Variants in KPNA7 observed in about 807,000 individuals in gnomAD.
KPNA7 encodes karyopherin subunit alpha 7.
KPNA7 carries 54 observed loss-of-function variants against 53.7 expected under a neutral mutation model. The observed-to-expected ratio is 1.01, with a 90% confidence interval of 0.81 to 1.26. The LOEUF (loss-of-function observed/expected upper bound fraction) is 1.26. Ranked by LOEUF, KPNA7 falls within the 50% of genes most tolerant of loss-of-function variation. KPNA7 has a pLI of 0.00. For missense variants in KPNA7, 640 were observed against 644.5 expected (o/e 0.99, Z 0.07); for synonymous variants, 276 against 259.3 (o/e 1.06, Z -0.62).
chr7:99,178,263 A>G (rs1429035863), intron 9 of KPNA7, among the ~76,000 whole-genome samples, 197 bp from the exon 10 acceptor site: 1 of 152,168 alleles, frequency 6.6e-6, no homozygotes, highest in African/African-American at 2.4e-5. Context: ...TATCCACGAT[A>G]TATAGACATA....
chr7:99,190,787 A>G (rs1286051563), intron 6 of KPNA7, among the ~76,000 whole-genome samples: 2 of 151,866 alleles, frequency 1.3e-5, no homozygotes, highest in East Asian at 3.9e-4. Flanking sequence ...AGCTGGGACT[A>G]CAGACACGTG....
At chr7:99,162,918 C>T in the KPNA7 span, among the ~76,000 whole-genome samples, 1,786 of 152,204 alleles carry the variant, frequency 0.012, 33 homozygotes, top group African/African-American at 0.041. Context: ...CGGTAGCTCA[C>T]GCCTGTAATC....
At chr7:99,202,996 A>C in intron 3 of KPNA7, 110 bp downstream of exon 3, 1 of 1,342,252 alleles carries the variant, frequency 7.5e-7, no homozygotes, top group Non-Finnish European at 1.0e-6. Flanking sequence ...CTTTCTTTAA[A>C]AGCCCAAAAC....
intron 8 of KPNA7, among the ~76,000 whole-genome samples, 198 bp from the exon 9 acceptor site, chr7:99,182,263 T>C (rs1350935213): frequency 1.3e-5 from 2 of 152,114 alleles, no homozygotes; most frequent in Non-Finnish European, 1.5e-5. Context: ...AGTGGCGCAA[T>C]CTCAGCTCAC....
chr7:99,187,973 C>T (rs1454107750), intron 7 of KPNA7, among the ~76,000 whole-genome samples: 9 of 150,918 alleles, frequency 6.0e-5, no homozygotes, highest in African/African-American at 1.7e-4. Flanking sequence ...GTCAGGAGTT[C>T]GAGACTAGCC....
downstream of KPNA7, among the ~76,000 whole-genome samples, chr7:99,172,788 C>A (rs930730134): frequency 6.6e-6 from 1 of 151,584 alleles, no homozygotes; most frequent in Admixed American, 6.6e-5. Flanking sequence ...AGAGACCAGG[C>A]ATGTTGGCTC....
intron 7 of KPNA7, among the ~76,000 whole-genome samples, chr7:99,187,112 C>A (rs890517231): frequency 3.3e-5 from 5 of 152,008 alleles, no homozygotes; most frequent in African/African-American, 1.2e-4. Flanking sequence ...CCTGGTGAAA[C>A]CCTGTCTCTA....
upstream of KPNA7, among the ~76,000 whole-genome samples, chr7:99,208,499 A>G (rs1159123946): frequency 1.3e-5 from 2 of 151,758 alleles, no homozygotes; most frequent in East Asian, 3.9e-4. Flanking sequence ...CTCGTGATCC[A>G]CCCACCTCGG....
chr7:99,185,262 T>C (rs534989518), intron 7 of KPNA7, 100 bp from the exon 8 acceptor site: 3 of 793,108 alleles, frequency 3.8e-6, no homozygotes, highest in Admixed American at 2.5e-5. Context: ...TGTCATGCTA[T>C]AGCCGATGGT....
intron 3 of KPNA7, among the ~76,000 whole-genome samples, chr7:99,198,425 A>G (rs1166109559): frequency 1.3e-4 from 20 of 152,252 alleles, no homozygotes; most frequent in Admixed American, 1.2e-3. Flanking sequence ...TGGTCAACAT[A>G]TTGGTCATCA....
In KPNA7 at chr7:99,195,082, C is replaced by T. The variant is rs1188682066; in HGVS notation, c.541G>A (p.Gly181Ser). 22 of 1,551,388 alleles carry T rather than the reference C, an allele frequency of 1.4e-5. No homozygotes were observed. Among genetic ancestry groups the T allele is most frequent in the Non-Finnish European group, 1.8e-5 (21 of 1,146,908 alleles). Reference protein sequence around the residue: ...AVCEQAVWALGNIAGDGPEFR... With the variant: ...AVCEQAVWALSNIAGDGPEFR... Reference sequence around the variant, plus strand: ...GGGAGAGTCTCACCGGCTATATTACCAAGAGCCCACACTGCCTGTTCACAC... The same window carrying T: ...GGGAGAGTCTCACCGGCTATATTACTAAGAGCCCACACTGCCTGTTCACAC... The change falls in exon 5 of 11, where the codon GGT (glycine) becomes AGT (serine). Residue 181 changes from glycine (G) to serine (S), a missense_variant. Physicochemically the swap from Gly to Ser is moderately conservative, Grantham distance 56. Transcript: ENST00000327442.
At chr7:99,210,354 G>A (rs181677318), upstream of KPNA7, among the ~76,000 whole-genome samples, 2 of 152,248 alleles carry the variant, frequency 1.3e-5, no homozygotes, top group Admixed American at 1.3e-4. Context: ...ACCACTGCCT[G>A]ATATTTTCTT....
chr7:99,188,188 A>AG, intron 7 of KPNA7, 112 bp downstream of exon 7: 11 of 992,104 alleles, frequency 1.1e-5, no homozygotes, highest in Non-Finnish European at 1.5e-5. Flanking sequence ...AAAAAAAAAA[A>AG]AAAAAAAAAA....
the KPNA7 span, among the ~76,000 whole-genome samples, chr7:99,147,447 G>A: frequency 6.6e-5 from 10 of 152,236 alleles, no homozygotes; most frequent in Non-Finnish European, 1.5e-4. Flanking sequence ...CAATAAAAAT[G>A]TACTTATGGA....
rs149418282 is a variant in KPNA7 at position 99,177,614 on chromosome 7, A to G, written c.1464+306T>C. Among the ~76,000 whole-genome samples, 831 of 150,356 alleles carry G rather than the reference A, an allele frequency of 5.5e-3. 4 individuals are homozygous for G. The highest frequency in any genetic ancestry group is 9.5e-3 in the Non-Finnish European group (645 of 67,766). On this transcript the variant is annotated intron_variant, in intron 10 of 10. Coordinates refer to ENST00000327442, the MANE Select transcript of KPNA7 (RefSeq NM_001145715.3). Reference sequence around the variant, plus strand: ...AAAAAAAAAAGTCACTTCAGCATCAAATCCTCTCCCCTGCCATACCTCTCC... The same window carrying G: ...AAAAAAAAAAGTCACTTCAGCATCAGATCCTCTCCCCTGCCATACCTCTCC...
intron 10 of KPNA7, 26 bp from the exon 11 acceptor site, chr7:99,173,820 T>C (rs1798815428): frequency 3.0e-6 from 4 of 1,347,972 alleles, no homozygotes; most frequent in Admixed American, 2.0e-5. Context: ...GACACTGTTA[T>C]ACCTCCAGGA....
intron 6 of KPNA7, among the ~76,000 whole-genome samples, chr7:99,191,020 T>C (rs1417696769): frequency 6.6e-6 from 1 of 152,068 alleles, no homozygotes; most frequent in South Asian, 2.1e-4. Context: ...CCTGCACTTT[T>C]CCCCTTTCTC....
the KPNA7 span, among the ~76,000 whole-genome samples, chr7:99,159,602 G>A: frequency 7.9e-5 from 12 of 152,100 alleles, no homozygotes; most frequent in South Asian, 2.1e-4. Flanking sequence ...CCCTCTTCCC[G>A]TATTACTTTG....
downstream of KPNA7, among the ~76,000 whole-genome samples, chr7:99,171,523 C>G (rs1411936264): frequency 6.6e-6 from 1 of 152,174 alleles, no homozygotes; most frequent in Admixed American, 6.5e-5. Context: ...CTCACTGCAG[C>G]CTCCAACTCC....
Sources: gnomAD v4.1 joint callset for allele counts (sites outside exome capture counted in the v4.1 genomes callset) on GRCh38, gnomAD v4.1.1 for gene constraint, MANE v1.5 for transcripts, NCBI Gene and HGNC (gene_info 2026-07-23, HGNC 2026-07-21) for gene names.